The following CHD5 variants were observed in gnomAD, a reference collection of about 807,000 sequenced individuals.
The protein encoded by CHD5 is ATP-dependent chromatin remodeler CHD5.
In CHD5, 69 loss-of-function variants were observed where a neutral mutation model predicts 230.3. That is an observed-to-expected ratio of 0.30 (90% CI 0.25 to 0.37). The LOEUF is 0.37. Ranked by LOEUF, CHD5 falls within the 10% of genes least tolerant of loss-of-function variation. The probability of loss-of-function intolerance (pLI) is 1.00; values close to 1 mark genes in which losing one functional copy is unlikely to be tolerated. For missense variants in CHD5, 1,827 were observed against 2,622.8 expected (o/e 0.70, Z 6.63); for synonymous variants, 1,064 against 1,065.9 (o/e 1.00, Z 0.03).
chr1:6,134,055 G>A lies in CHD5; in HGVS notation c.3144+73C>T, dbSNP rs114211830. The stretch of plus-strand genomic sequence containing the variant: ...CCCTGAGGGGTGCCAGCAAGTTTGC[G>A]CCCCCAAGCATCAGGGCAGGATGCT... On this transcript the variant is annotated intron_variant, in intron 20 of 41. Coordinates refer to ENST00000262450, the MANE Select transcript of CHD5 (RefSeq NM_015557.3). The surrounding 1 kb of genome is among the most constrained non-coding windows in gnomAD (Gnocchi z 6.3). The A allele has an allele frequency of 2.1e-3, 3,095 of 1,490,176 alleles. 52 individuals are homozygous for A. The African/African-American group carries it at 0.038, about 18-fold the overall frequency. The allele number at this position is 1,490,176 out of a possible 1,614,324, so 92.3% of individuals were successfully genotyped here. A position where few individuals can be genotyped will look rare whatever the true frequency, so the allele number is the denominator to read the frequency against.
chr1:6,173,033 C>T (rs541832095), intron 1 of CHD5, among the ~76,000 whole-genome samples: 12 of 152,020 alleles, frequency 7.9e-5, no homozygotes, highest in Admixed American at 5.2e-4. Context: ...TTGCAAAGGC[C>T]GGCAAACCTG....
chr1:6,171,792 C>T (rs370528827), intron 1 of CHD5, among the ~76,000 whole-genome samples: 1 of 152,360 alleles, frequency 6.6e-6, no homozygotes, highest in East Asian at 1.9e-4. Context: ...CTGCCCGTCC[C>T]GGGTGAGGGG....
chr1:6,135,145 C>T (rs980490963), intron 18 of CHD5, 85 bp downstream of exon 18: 1 of 1,508,092 alleles, frequency 6.6e-7, no homozygotes, highest in South Asian at 1.1e-5. Context: ...CTGAAGAGCC[C>T]TCCGCCCACC....
intron 2 of CHD5, among the ~76,000 whole-genome samples, chr1:6,166,895 T>C (rs986710306): frequency 1.3e-5 from 2 of 152,108 alleles, no homozygotes; most frequent in African/African-American, 2.4e-5. Context: ...AAGAGGCCCA[T>C]GGTGCACCAC....
rs9434662 is a variant in CHD5, at chr1:6,130,155, C to T, written c.3387+49G>A. ...ATGAAGGACAGAACCTGCCTGAGGCCCGGGATGAGAGGCCCCCTGGGAGGG... is the reference window on the plus strand; with the variant it reads ...ATGAAGGACAGAACCTGCCTGAGGCTCGGGATGAGAGGCCCCCTGGGAGGG... On this transcript the variant is annotated intron_variant, in intron 22 of 41. Coordinates refer to ENST00000262450, the MANE Select transcript of CHD5 (RefSeq NM_015557.3). The surrounding 1 kb of genome is among the most constrained non-coding windows in gnomAD (Gnocchi z 4.9). 0.2 allele frequency: 314,063 copies of T among 1,605,356 alleles called. 38,474 individuals carry two copies. The highest frequency in any genetic ancestry group is 0.69 in the East Asian group (30,653 of 44,574).
Position 6,109,852 on chromosome 1 carries a change from G to C in CHD5, c.5521C>G (p.His1841Asp). The change falls in exon 38 of 42, where the codon CAC becomes GAC. Residue 1841 changes from histidine to aspartate, a missense_variant. His to Asp is a moderately conservative substitution (Grantham distance 81). This residue lies in a region of CHD5 where 208 missense variants were observed against 302.0 expected (regional missense o/e 0.69). Transcript: ENST00000262450. ...EVECLAESHQ[H>D]LSKESLAGNK... is the part of the protein sequence containing the mutation. ...CCAGCAAGGGACTCCTTGGACAGGTGCTGGTGGCTCTCGGCGAGGCACTCC... is the reference window on the plus strand; with the variant it reads ...CCAGCAAGGGACTCCTTGGACAGGTCCTGGTGGCTCTCGGCGAGGCACTCC... 6.2e-7 allele frequency: 1 copy of C among 1,612,926 alleles called. No individual in the cohort carries two copies. The highest frequency in any genetic ancestry group is 8.5e-7 in the Non-Finnish European group (1 of 1,179,740).
intron 2 of CHD5, among the ~76,000 whole-genome samples, chr1:6,162,075 G>A (rs931110818): frequency 1.3e-5 from 2 of 152,190 alleles, no homozygotes; most frequent in African/African-American, 4.8e-5. Context: ...GATAGAACCA[G>A]GGAGACTGTA....
Position 6,128,663 on chromosome 1 carries a change from T to TC in CHD5, c.3620-55_3620-54insG. ...GCAGGACCACAGAGGGCTGCAGGGT[T>TC]GGCGGGCAGTGCCCAGAGACACCAC... On this transcript the variant is annotated intron_variant, in intron 23 of 41. Coordinates refer to ENST00000262450, the MANE Select transcript of CHD5 (RefSeq NM_015557.3). The surrounding 1 kb of genome is among the most constrained non-coding windows in gnomAD (Gnocchi z 7.8). The TC allele has an allele frequency of 6.8e-7, 1 of 1,470,602 alleles. No homozygotes were observed. The highest frequency in any genetic ancestry group is 9.5e-7 in the Non-Finnish European group (1 of 1,055,416). The allele number at this position is 1,470,602 out of a possible 1,614,324, so 91.1% of individuals were successfully genotyped here. A position where few individuals can be genotyped will look rare whatever the true frequency, so the allele number is the denominator to read the frequency against.
At chr1:6,158,792 G>A (rs1667118674) in intron 3 of CHD5, among the ~76,000 whole-genome samples, 1 of 151,962 alleles carries the variant, frequency 6.6e-6, no homozygotes, top group Admixed American at 6.6e-5. Context: ...CGGATCACGA[G>A]GTCAGGAGAT....
rs763268992 is a variant in CHD5 at position 6,106,610 on chromosome 1, C to G, written c.5742+6G>C. On this transcript the variant is annotated splice_donor_region_variant and intron_variant, in intron 39 of 41. Coordinates refer to ENST00000262450, the MANE Select transcript of CHD5 (RefSeq NM_015557.3). ...CTCGGGCCGGGGCACACAGGCCGAG[C>G]CTGACCTGCTGGATGGTGGGGTCCC... is the stretch of plus-strand genomic sequence containing the variant. The G allele has an allele frequency of 3.2e-6, 5 of 1,563,228 alleles. No homozygotes were observed. The Admixed American group carries it at 9.4e-5, about 30-fold the overall frequency.
At chr1:6,119,864 AT>A (rs57522479) in intron 33 of CHD5, among the ~76,000 whole-genome samples, 4,376 of 137,372 alleles carry the variant, frequency 0.032, 210 homozygotes, top group African/African-American at 0.13. Flanking sequence ...ATATATATAT[AT>A]TTTTTTTTTT....
chr1:6,166,443 G>C (rs1476422509), intron 2 of CHD5, among the ~76,000 whole-genome samples: 1 of 151,962 alleles, frequency 6.6e-6, no homozygotes, highest in Non-Finnish European at 1.5e-5. Context: ...TAGGAGGTGG[G>C]TGAGAGGTGC....
intron 38 of CHD5, among the ~76,000 whole-genome samples, chr1:6,108,753 G>C (rs111072939): frequency 0.024 from 3,666 of 150,606 alleles, 151 homozygotes; most frequent in African/African-American, 0.085. Flanking sequence ...CAGAGGGATG[G>C]AGGGTTGGAG....
chr1:6,106,991 G>C (rs1666184942), intron 38 of CHD5, among the ~76,000 whole-genome samples: 1 of 138,046 alleles, frequency 7.2e-6, no homozygotes, highest in Admixed American at 7.1e-5. Flanking sequence ...GGGGTGGAAG[G>C]ATGGAGGGAT....
chr1:6,159,901 A>G (rs1050319042), intron 2 of CHD5, among the ~76,000 whole-genome samples: 4 of 152,380 alleles, frequency 2.6e-5, no homozygotes, highest in Non-Finnish European at 2.9e-5. Context: ...TGGGGGCTGA[A>G]TTAGTTTTAC....
intron 33 of CHD5, among the ~76,000 whole-genome samples, chr1:6,120,501 T>TA (rs5772220): frequency 0.14 from 15,302 of 109,968 alleles, 1,124 homozygotes; most frequent in East Asian, 0.39. Flanking sequence ...TACTAAAAAT[T>TA]AAAAAAAAAA....
At position 6,149,255 on chromosome 1, in the gene CHD5, G is replaced by A. The variant is rs1164480071; in HGVS notation, c.1152C>T (p.Cys384=). The change falls in exon 8 of 42, where the codon TGC becomes TGT. Residue 384 remains cysteine (C), a synonymous_variant. Coordinates refer to ENST00000262450, the MANE Select transcript of CHD5 (RefSeq NM_015557.3). ...CTCTGCCAAGGCTTACACAGTGGGG[G>A]CAGCTCCACTTGCCCTCGGGAGCCT... The part of the protein sequence containing the change: ...LEKAPEGKWS[C]PHCEKEGIQW... 2 of 1,605,744 alleles carry A rather than the reference G, an allele frequency of 1.2e-6. No individual in the cohort carries two copies. Among genetic ancestry groups the A allele is most frequent in the South Asian group, 1.1e-5 (1 of 90,080 alleles).
At chr1:6,159,859 C>T (rs185075598) in intron 2 of CHD5, among the ~76,000 whole-genome samples, 101 of 152,382 alleles carry the variant, frequency 6.6e-4, no homozygotes, top group African/African-American at 2.2e-3. Context: ...ACTCAGGCTC[C>T]GCTTCAGTCA....
chr1:6,124,841 T>C (rs1268212385), intron 29 of CHD5, among the ~76,000 whole-genome samples, 180 bp from the exon 30 acceptor site: 2 of 152,196 alleles, frequency 1.3e-5, no homozygotes, highest in African/African-American at 4.8e-5. Context: ...GGGGACCTCC[T>C]AGGACAGCCC....
Sources: allele counts gnomAD v4.1 joint callset (sites outside exome capture counted in the v4.1 genomes callset), GRCh38; gene constraint gnomAD v4.1.1; regional missense constraint gnomAD v4.1.1; non-coding constraint Gnocchi (gnomAD v3.1); transcripts MANE v1.5; gene names NCBI Gene and HGNC (gene_info 2026-07-23, HGNC 2026-07-21).